KCNH7: variants seen among roughly 807,000 people sequenced by gnomAD.
The protein encoded by KCNH7 is voltage-gated inwardly rectifying potassium channel KCNH7.
Under a neutral mutation model 120.8 loss-of-function variants are expected in KCNH7, and 49 were observed. The observed-to-expected ratio is 0.41, with a 90% confidence interval of 0.32 to 0.51. KCNH7 has a LOEUF of 0.51. Among genes scored for constraint, KCNH7 ranks in the 20% least tolerant of loss-of-function variants. The pLI is 0.38. For missense variants in KCNH7, 1,097 were observed against 1,446.6 expected (o/e 0.76, Z 3.92); for synonymous variants, 547 against 516.1 (o/e 1.06, Z -0.81).
chr2:162,485,320 A>G (rs1690058114), intron 6 of KCNH7, among the ~76,000 whole-genome samples: 2 of 152,328 alleles, frequency 1.3e-5, no homozygotes, highest in African/African-American at 4.8e-5. Context: ...TTAATTCATT[A>G]TTGATATCTA....
chr2:162,668,372 A>T (rs563408251), intron 2 of KCNH7, among the ~76,000 whole-genome samples: 3 of 152,296 alleles, frequency 2.0e-5, no homozygotes, highest in African/African-American at 7.2e-5. Flanking sequence ...CTTCCAGTAA[A>T]CTACACTCAA....
intron 2 of KCNH7, among the ~76,000 whole-genome samples, chr2:162,733,241 G>A (rs139581825): frequency 1.2e-4 from 18 of 152,264 alleles, no homozygotes; most frequent in Non-Finnish European, 2.4e-4. Flanking sequence ...AGCATGGATC[G>A]TTCCCAGATT....
rs138473253 is a variant in KCNH7, at chr2:162,742,141, C to T, written c.307+94396G>A. On this transcript the variant is annotated intron_variant, in intron 2 of 15. Transcript: ENST00000332142. ...TTTGCCTTGTTGATTCTACCAGAAA[C>T]ACAGTTTTAAGGAATGAAATAACCC... Among the ~76,000 whole-genome samples, 91 of 152,220 alleles carry T rather than the reference C, an allele frequency of 6.0e-4. 1 individual carries two copies. Among genetic ancestry groups the T allele is most frequent in the African/African-American group, 2.2e-3 (90 of 41,548 alleles).
At chr2:162,809,492 T>C (rs1684658535) in intron 2 of KCNH7, among the ~76,000 whole-genome samples, 1 of 152,182 alleles carries the variant, frequency 6.6e-6, no homozygotes, top group Non-Finnish European at 1.5e-5. Context: ...CTAACCTCAC[T>C]GAAGGTAAAG....
At chr2:162,489,030 T>A (rs1401445339) in intron 6 of KCNH7, among the ~76,000 whole-genome samples, 2 of 152,328 alleles carry the variant, frequency 1.3e-5, no homozygotes, top group African/African-American at 4.8e-5. Flanking sequence ...GCTAATTCGG[T>A]ATTTTAAACT....
intron 6 of KCNH7, among the ~76,000 whole-genome samples, chr2:162,461,099 G>T (rs1689132047): frequency 6.6e-6 from 1 of 152,152 alleles, no homozygotes; most frequent in Non-Finnish European, 1.5e-5. Context: ...AGCTTGTTTG[G>T]ATGGACACAA....
At chr2:162,617,295 C>T (rs181095707) in intron 2 of KCNH7, among the ~76,000 whole-genome samples, 364 of 151,906 alleles carry the variant, frequency 2.4e-3, no homozygotes, top group Non-Finnish European at 4.3e-3. Flanking sequence ...CTGACTAACA[C>T]GATGAAACCC....
At chr2:162,444,305 T>C (rs1573965665) in intron 7 of KCNH7, among the ~76,000 whole-genome samples, 1 of 152,136 alleles carries the variant, frequency 6.6e-6, no homozygotes, top group Non-Finnish European at 1.5e-5. Flanking sequence ...CTTTGAAGGG[T>C]ACCTAACAAA....
intron 6 of KCNH7, among the ~76,000 whole-genome samples, chr2:162,459,007 A>T (rs113136404): frequency 4.4e-5 from 6 of 134,836 alleles, no homozygotes; most frequent in African/African-American, 1.6e-4. Context: ...TTCTGTTTCA[A>T]AATAATAATA....
chr2:162,484,253 A>T (rs1690020011), intron 6 of KCNH7, among the ~76,000 whole-genome samples: 1 of 151,448 alleles, frequency 6.6e-6, no homozygotes, highest in Non-Finnish European at 1.5e-5. Context: ...ACACACAGAG[A>T]GACACACACA....
At chr2:162,795,224 CT>C (rs1198333088) in intron 2 of KCNH7, among the ~76,000 whole-genome samples, 1 of 151,922 alleles carries the variant, frequency 6.6e-6, no homozygotes, top group Non-Finnish European at 1.5e-5. Context: ...CTATTAAAAT[CT>C]TTTTTATCAT....
At chr2:162,556,490 C>G (rs941027493) in intron 2 of KCNH7, among the ~76,000 whole-genome samples, 5 of 152,050 alleles carry the variant, frequency 3.3e-5, no homozygotes, top group Non-Finnish European at 5.9e-5. Flanking sequence ...GTATGTATTA[C>G]TTTTATAATT....
rs763033952 is a variant in KCNH7 at position 162,431,439 on chromosome 2, T to C, written c.1954+3759A>G. On this transcript the variant is annotated intron_variant, in intron 8 of 15. Transcript: ENST00000332142. ...TAGTTAGATTTAACTGGGAATATCA[T>C]GTGCATATACACCTATATACATCAA... is the stretch of plus-strand genomic sequence containing the variant. Among the ~76,000 whole-genome samples the C allele has an allele frequency of 1.8e-4, 28 of 152,166 alleles. 1 individual carries two copies. The highest frequency in any genetic ancestry group is 2.8e-4 in the Non-Finnish European group (19 of 67,930).
rs527580163 is a variant in KCNH7 at position 162,836,571 on chromosome 2, C to T, written c.273G>A (p.Glu91=). Residue 91 remains glutamate, a synonymous_variant, in exon 2 of 16, where the codon GAG becomes GAA. Coordinates refer to ENST00000332142, the MANE Select transcript of KCNH7 (RefSeq NM_033272.4). ...QIAQALLGSE[E]RKVEVTYYHK... is the part of the protein sequence containing the mutation. ...GATAGTAGGTGACCTCCACTTTCCT[C>T]TCTTCTGACCCCAGCAATGCCTGGG... 18 of 1,614,096 alleles carry T rather than the reference C, an allele frequency of 1.1e-5. 1 individual carries two copies. In the South Asian group the frequency reaches 1.9e-4, roughly 17 times the overall value.
intron 14 of KCNH7, among the ~76,000 whole-genome samples, chr2:162,374,679 C>T (rs1012862914): frequency 2.0e-5 from 3 of 151,884 alleles, no homozygotes; most frequent in Admixed American, 6.6e-5. Context: ...TGATAGAGAA[C>T]ATAATAAACC....
At chr2:162,764,278 T>A (rs305681) in intron 2 of KCNH7, among the ~76,000 whole-genome samples, 1 of 152,056 alleles carries the variant, frequency 6.6e-6, no homozygotes, top group Non-Finnish European at 1.5e-5. Context: ...GAAGCCATCA[T>A]GCTTTGATTT....
At chr2:162,406,159 T>G (rs888692238) in intron 9 of KCNH7, among the ~76,000 whole-genome samples, 1 of 152,012 alleles carries the variant, frequency 6.6e-6, no homozygotes, top group African/African-American at 2.4e-5. Flanking sequence ...GTGGTTATAC[T>G]TTCTCGATTC....
intron 13 of KCNH7, among the ~76,000 whole-genome samples, chr2:162,381,164 T>C (rs1686405924): frequency 6.6e-6 from 1 of 152,050 alleles, no homozygotes; most frequent in Non-Finnish European, 1.5e-5. Flanking sequence ...CTGGTGTTCA[T>C]TTTCACAGAG....
chr2:162,721,002 C>T (rs919512036), intron 2 of KCNH7, among the ~76,000 whole-genome samples: 8 of 152,178 alleles, frequency 5.3e-5, no homozygotes, highest in Non-Finnish European at 7.4e-5. Context: ...TCCTGAGGTG[C>T]GGTGCTTGCA....
Sources: gnomAD v4.1 joint callset for allele counts (sites outside exome capture counted in the v4.1 genomes callset) on GRCh38, gnomAD v4.1.1 for gene constraint, MANE v1.5 for transcripts, NCBI Gene and HGNC (gene_info 2026-07-23, HGNC 2026-07-21) for gene names.